Variants in FRA10AC1 observed in about 807,000 individuals in gnomAD.
The protein encoded by FRA10AC1 is protein FRA10AC1.
Under a neutral mutation model 56.5 loss-of-function variants are expected in FRA10AC1, and 43 were observed. The observed-to-expected ratio is 0.76, with a 90% CI of 0.60 to 0.98. FRA10AC1 has a LOEUF of 0.98. Among genes scored for constraint, FRA10AC1 ranks in the 50% least tolerant of loss-of-function variants. The probability of loss-of-function intolerance (pLI) is 0.00; values close to 1 mark genes in which losing one functional copy is unlikely to be tolerated. For synonymous variants in FRA10AC1, 112 were observed against 110.5 expected, an observed-to-expected ratio of 1.01 and a Z score of -0.09; for missense variants, 346 against 351.8, an observed-to-expected ratio of 0.98 and a Z score of 0.13.
At position 93,681,468 on chromosome 10, in the gene FRA10AC1, A is replaced by G; in HGVS notation, c.787+12T>C. The G allele has an allele frequency of 1.3e-6, 2 of 1,510,860 alleles. No homozygotes were observed. The highest frequency in any genetic ancestry group is 2.2e-5 in the Admixed American group (1 of 46,102). 93.6% of individuals were successfully genotyped at this position (1,510,860 alleles called of 1,614,324 possible). On this transcript the variant is annotated intron_variant, in intron 11 of 13. Coordinates refer to ENST00000359204, the MANE Select transcript of FRA10AC1 (RefSeq NM_145246.5). ...AAATGTGAGTAGATGCCTTATCTTA[A>G]TTTCCTTTTACCTTTATCTTTTTTC...
intron 12 of FRA10AC1, chr10:93,674,467 T>C (rs2058812314): frequency 1.3e-5 from 2 of 152,206 alleles, no homozygotes; most frequent in Non-Finnish European, 2.9e-5. Context: ...TGGCATACCA[T>C]AACAATGTAT....
chr10:93,695,801 C>T (rs990000687), intron 4 of FRA10AC1, among the ~76,000 whole-genome samples: 1 of 151,892 alleles, frequency 6.6e-6, no homozygotes, highest in African/African-American at 2.4e-5. Context: ...CTTGATCTAC[C>T]ACTAACTGGT....
At chr10:93,683,993 T>C in intron 10 of FRA10AC1, 63 bp downstream of exon 10, 1 of 1,061,152 alleles carries the variant, frequency 9.4e-7, no homozygotes, top group Admixed American at 1.9e-5. Flanking sequence ...AGATACTTAG[T>C]GCAGGTAAAT....
At chr10:93,685,817 T>C (rs1425220694) in intron 8 of FRA10AC1, among the ~76,000 whole-genome samples, 45 of 151,906 alleles carry the variant, frequency 3.0e-4, no homozygotes. Flanking sequence ...TAATAGTTAA[T>C]AGTTTTAAGT....
intron 13 of FRA10AC1, 44 bp from the exon 14 acceptor site, chr10:93,669,912 A>T: frequency 9.6e-7 from 1 of 1,043,266 alleles, no homozygotes; most frequent in Non-Finnish European, 1.5e-6. Flanking sequence ...AGAGTAAAAA[A>T]ATTACTACAT....
chr10:93,693,561 C>A (rs2059171962), intron 5 of FRA10AC1, among the ~76,000 whole-genome samples: 1 of 138,530 alleles, frequency 7.2e-6, no homozygotes, highest in African/African-American at 2.7e-5. Flanking sequence ...CACATACATA[C>A]ACCATATATA....
chr10:93,701,832 T>A (rs1029840421), intron 1 of FRA10AC1, among the ~76,000 whole-genome samples: 1 of 152,108 alleles, frequency 6.6e-6, no homozygotes, highest in East Asian at 1.9e-4. Flanking sequence ...AGGATCAGCC[T>A]ACTAGATTTC....
In FRA10AC1 at chr10:93,698,177, C is replaced by T; in HGVS notation, c.178G>A (p.Glu60Lys). The T allele has an allele frequency of 6.3e-7, 1 of 1,583,044 alleles. No homozygotes were observed. Residue 60 changes from glutamate (E) to lysine (K), a missense_variant, in exon 4 of 14, where the codon GAA (glutamate) becomes AAA (lysine). Physicochemically the swap from Glu to Lys is moderately conservative, Grantham distance 56. Transcript: ENST00000359204. ...AGATGAAACCTTCTATTTCTTGCTT[C>T]TTCCCTGTTAAAACAAATTTTTTTA... Reference protein sequence around the residue: ...QVAAELLDREEARNRRFHLIA... With the variant: ...QVAAELLDREKARNRRFHLIA...
intron 1 of FRA10AC1, among the ~76,000 whole-genome samples, chr10:93,701,974 T>C (rs2059340395): frequency 6.6e-6 from 1 of 151,692 alleles, no homozygotes; most frequent in Non-Finnish European, 1.5e-5. Context: ...ATTAAAAGAG[T>C]TGCCTCATCT....
intron 12 of FRA10AC1, chr10:93,674,196 T>C (rs895720707): frequency 5.3e-5 from 8 of 152,222 alleles, no homozygotes; most frequent in African/African-American, 1.9e-4. Context: ...TCTCTAGGTC[T>C]TGATTTTTCT....
intron 10 of FRA10AC1, among the ~76,000 whole-genome samples, chr10:93,682,899 C>T (rs1242494283): frequency 6.6e-6 from 1 of 152,008 alleles, no homozygotes; most frequent in Non-Finnish European, 1.5e-5. Context: ...AGCTAAAATA[C>T]TATATAGGCA....
In FRA10AC1 at chr10:93,671,047, CA is replaced by C. The variant is rs1244386909; in HGVS notation, c.827-200del. On this transcript the variant is annotated intron_variant, in intron 12 of 13. Transcript: ENST00000359204. ...GCCAAGGGTTACCAAAGAATCTCAG[CA>C]AAAAGGCCAAGGATTTTAAGTCTCA... The C allele has an allele frequency of 2.7e-5, 13 of 474,174 alleles. No homozygotes were observed. The Admixed American group carries it at 4.3e-4, about 16-fold the overall frequency. The allele number at this position is 474,174 out of a possible 1,614,324, so 29.4% of individuals were successfully genotyped here. A position where few individuals can be genotyped will look rare whatever the true frequency, so the allele number is the denominator to read the frequency against.
At position 93,669,185 on chromosome 10, in the gene FRA10AC1, T is replaced by C. The variant is rs559471440; in HGVS notation, c.*641A>G. ...AAAAGCAGCTGGAAATAGGTGGTAATGGGAGAGCAGGTACTTAAAAGAAGG... is the reference window on the plus strand; with the variant it reads ...AAAAGCAGCTGGAAATAGGTGGTAACGGGAGAGCAGGTACTTAAAAGAAGG... On this transcript the variant is annotated 3_prime_UTR_variant, in exon 14 of 14. Transcript: ENST00000359204. 5.3e-5 allele frequency: 8 copies of C among 152,104 alleles called. No individual in the cohort carries two copies. The highest frequency in any genetic ancestry group is 1.2e-4 in the Non-Finnish European group (8 of 68,086). The allele number at this position is 152,104 out of a possible 1,614,324, so 9.4% of individuals were successfully genotyped here.
chr10:93,684,099 C>G lies in FRA10AC1; in HGVS notation c.626-1G>C, dbSNP rs775771835. 4 of 1,604,818 alleles carry G rather than the reference C, an allele frequency of 2.5e-6. No individual in the cohort carries two copies. The East Asian group carries it at 6.7e-5, about 27-fold the overall frequency. On this transcript the variant is annotated splice_acceptor_variant, in intron 9 of 13. Transcript: ENST00000359204. LOFTEE classifies it high-confidence loss of function. ...TTAATGGAACATTCTTGGCATAACCCTAAAAAGAAAAGACACCACTGAATG... is the reference window on the plus strand; with the variant it reads ...TTAATGGAACATTCTTGGCATAACCGTAAAAAGAAAAGACACCACTGAATG...
intron 11 of FRA10AC1, among the ~76,000 whole-genome samples, chr10:93,678,683 A>T (rs1434745727): frequency 6.6e-6 from 1 of 151,880 alleles, no homozygotes; most frequent in Admixed American, 6.6e-5. Context: ...ACAACAACAA[A>T]ATTAGCTGAG....
intron 4 of FRA10AC1, 66 bp downstream of exon 4, chr10:93,698,070 A>G (rs1484415964): frequency 2.2e-6 from 2 of 912,826 alleles, no homozygotes; most frequent in East Asian, 2.8e-5. Context: ...AAGATTTTAT[A>G]AAACAAAAAA....
At chr10:93,695,710 T>A (rs1352966615) in intron 4 of FRA10AC1, among the ~76,000 whole-genome samples, 2 of 151,398 alleles carry the variant, frequency 1.3e-5, no homozygotes, top group African/African-American at 4.9e-5. Flanking sequence ...TTCCATATTG[T>A]AACAAACCAG....
chr10:93,673,786 A>T (rs1261648379), intron 12 of FRA10AC1: 1 of 451,864 alleles, frequency 2.2e-6, no homozygotes, highest in South Asian at 1.6e-5. Flanking sequence ...TTTGATTCTG[A>T]TAATAATCCA....
intron 4 of FRA10AC1, among the ~76,000 whole-genome samples, 161 bp from the exon 5 acceptor site, chr10:93,695,098 T>A (rs1380589365): frequency 6.6e-6 from 1 of 152,022 alleles, no homozygotes; most frequent in Non-Finnish European, 1.5e-5. Context: ...TCTAGAAGGG[T>A]ATATATTAAA....
Sources: allele counts gnomAD v4.1 joint callset (sites outside exome capture counted in the v4.1 genomes callset), GRCh38; gene constraint gnomAD v4.1.1; transcripts MANE v1.5; gene names NCBI Gene and HGNC (gene_info 2026-07-23, HGNC 2026-07-21).